The following NREP variants were observed in gnomAD, a reference collection of about 807,000 sequenced individuals.
NREP encodes the protein neuronal regeneration related protein.
In NREP, 5 loss-of-function variants were observed where a neutral mutation model predicts 8.6. The ratio of observed to expected loss-of-function variants is 0.58; its 90% CI spans 0.30 to 1.22. NREP has a LOEUF of 1.22. Ranked by LOEUF, NREP falls within the 50% of genes most tolerant of loss-of-function variation. NREP has a pLI of 0.07. For synonymous variants in NREP, 27 were observed against 28.0 expected, an observed-to-expected ratio of 0.96 and a Z score of 0.11; for missense variants, 86 against 82.5, an observed-to-expected ratio of 1.04 and a Z score of -0.17.
chr5:111,954,983 A>C (rs1756267390), intron 2 of NREP, among the ~76,000 whole-genome samples: 1 of 152,164 alleles, frequency 6.6e-6, no homozygotes, highest in Non-Finnish European at 1.5e-5. Context: ...AATAACTAAG[A>C]ACAAACTAAT....
At chr5:111,876,252 A>G (rs1753906267) in intron 2 of NREP, among the ~76,000 whole-genome samples, 3 of 152,116 alleles carry the variant, frequency 2.0e-5, no homozygotes, top group Admixed American at 2.0e-4. Flanking sequence ...GCTGCTTTTG[A>G]TTAGAAAAAA....
At chr5:111,770,654 T>TC (rs1751197950) in intron 2 of NREP, among the ~76,000 whole-genome samples, 1 of 128,720 alleles carries the variant, frequency 7.8e-6, no homozygotes, top group Non-Finnish European at 1.6e-5. Flanking sequence ...CACTACAGCC[T>TC]CCCCCTCCCA....
At chr5:111,830,259 C>T (rs968678601) in intron 2 of NREP, among the ~76,000 whole-genome samples, 3 of 152,132 alleles carry the variant, frequency 2.0e-5, no homozygotes, top group African/African-American at 7.2e-5. Flanking sequence ...ATCGGACACT[C>T]CTGTCTTAGG....
chr5:111,801,544 T>C lies in NREP; in HGVS notation c.136-66037A>G, dbSNP rs992734820. ...CCTTCTTTTTCATCAAAGCAGAAGGTAGAGAGTGTTGGCAGAATGTGTGCA... is the reference window on the plus strand; with the variant it reads ...CCTTCTTTTTCATCAAAGCAGAAGGCAGAGAGTGTTGGCAGAATGTGTGCA... On this transcript the variant is annotated intron_variant, in intron 2 of 3. Transcript: ENST00000395634. Among the ~76,000 whole-genome samples, 13 of 152,118 alleles carry C rather than the reference T, an allele frequency of 8.5e-5. 1 individual carries two copies. Among genetic ancestry groups the C allele is most frequent in the African/African-American group, 2.9e-4 (12 of 41,418 alleles).
chr5:111,738,719 T>G (rs1749381277), intron 2 of NREP: 1 of 152,196 alleles, frequency 6.6e-6, no homozygotes, highest in Non-Finnish European at 1.5e-5. Context: ...AAAAATGTGT[T>G]ATGGGCTGAC....
chr5:111,917,679 C>G (rs553123605), intron 2 of NREP, among the ~76,000 whole-genome samples: 2 of 152,278 alleles, frequency 1.3e-5, no homozygotes, highest in Admixed American at 6.5e-5. Context: ...TAAAAACTTT[C>G]AATAAACTAA....
chr5:111,942,971 G>A (rs1402919028), intron 2 of NREP, among the ~76,000 whole-genome samples: 1 of 151,738 alleles, frequency 6.6e-6, no homozygotes, highest in Non-Finnish European at 1.5e-5. Context: ...CTGGCACTAG[G>A]CAGCACTCAA....
chr5:111,844,658 T>TTATATATATTA (rs575490326), intron 2 of NREP, among the ~76,000 whole-genome samples: 2 of 145,584 alleles, frequency 1.4e-5, no homozygotes, highest in African/African-American at 2.5e-5. Context: ...AATATATATA[T>TTATATATATTA]TATATATATT....
chr5:111,806,526 C>CTTTTTTTGGGG (rs1395544934), intron 2 of NREP, among the ~76,000 whole-genome samples: 2 of 152,142 alleles, frequency 1.3e-5, no homozygotes, highest in Non-Finnish European at 2.9e-5. Context: ...AATGATTTCT[C>CTTTTTTTGGGG]ACCAGTATTT....
chr5:111,902,908 T>C (rs979442991), intron 2 of NREP, among the ~76,000 whole-genome samples: 1 of 152,122 alleles, frequency 6.6e-6, no homozygotes. Context: ...CAGTTAATAA[T>C]GTAAAAACGA....
intron 2 of NREP, among the ~76,000 whole-genome samples, chr5:111,876,569 G>A (rs138476945): frequency 1.1e-3 from 170 of 152,270 alleles, no homozygotes; most frequent in African/African-American, 4.0e-3. Context: ...TGTGTGTACT[G>A]CACTCTTCAA....
At chr5:111,917,621 C>A (rs1755099828) in intron 2 of NREP, among the ~76,000 whole-genome samples, 1 of 152,164 alleles carries the variant, frequency 6.6e-6, no homozygotes, top group African/African-American at 2.4e-5. Flanking sequence ...CTGATTATCT[C>A]CATAGATGCA....
intron 2 of NREP, among the ~76,000 whole-genome samples, chr5:111,887,335 C>T (rs183788973): frequency 5.3e-4 from 81 of 152,192 alleles, no homozygotes; most frequent in Non-Finnish European, 1.1e-3. Flanking sequence ...CATATGAAGA[C>T]GGAGGTTGGG....
At chr5:111,753,397 T>C (rs572493346) in intron 2 of NREP, among the ~76,000 whole-genome samples, 60 of 147,434 alleles carry the variant, frequency 4.1e-4, no homozygotes, top group African/African-American at 1.3e-3. Flanking sequence ...TATATATATA[T>C]TTTATAGATA....
chr5:111,835,354 G>A (rs779791586), intron 2 of NREP, among the ~76,000 whole-genome samples: 1 of 152,072 alleles, frequency 6.6e-6, no homozygotes, highest in Non-Finnish European at 1.5e-5. Context: ...AATAGTAATA[G>A]TATTAATAAG....
intron 2 of NREP, among the ~76,000 whole-genome samples, chr5:111,905,156 G>T (rs1754748925): frequency 6.6e-6 from 1 of 152,106 alleles, no homozygotes; most frequent in Middle Eastern, 3.4e-3. Context: ...CAGCAAAATT[G>T]CAGAGGGCAA....
At chr5:111,963,071 C>A (rs1351046263) in intron 2 of NREP, among the ~76,000 whole-genome samples, 1 of 152,264 alleles carries the variant, frequency 6.6e-6, no homozygotes, top group Admixed American at 6.5e-5. Context: ...CCGCCCTGCG[C>A]AACGAGGCAA....
At chr5:111,956,479 A>AAATTTCC (rs1337416269) in intron 2 of NREP, among the ~76,000 whole-genome samples, 3 of 152,160 alleles carry the variant, frequency 2.0e-5, no homozygotes, top group African/African-American at 4.8e-5. Context: ...GACCTAAAAA[A>AAATTTCC]AATTTCCAAA....
intron 2 of NREP, among the ~76,000 whole-genome samples, chr5:111,826,615 C>T (rs775697288): frequency 5.3e-5 from 8 of 152,212 alleles, no homozygotes; most frequent in African/African-American, 7.2e-5. Context: ...TTCTTGAAGT[C>T]AGTGAGACAA....
Sources: gnomAD v4.1 joint callset for allele counts (sites outside exome capture counted in the v4.1 genomes callset) on GRCh38, gnomAD v4.1.1 for gene constraint, MANE v1.5 for transcripts, NCBI Gene and HGNC (gene_info 2026-07-23, HGNC 2026-07-21) for gene names.